The following FHIT variants were observed in gnomAD, a reference collection of about 807,000 sequenced individuals.
FHIT encodes the protein fragile histidine triad diadenosine triphosphatase.
FHIT carries 19 observed loss-of-function variants against 17.9 expected under a neutral mutation model. The ratio of observed to expected loss-of-function variants is 1.06; its 90% CI spans 0.74 to 1.56. FHIT has a LOEUF of 1.56. Ranked by LOEUF, FHIT falls within the 40% of genes most tolerant of loss-of-function variation. The pLI, the probability that FHIT is intolerant of heterozygous loss-of-function variation, is 0.00. For missense variants in FHIT, 248 were observed against 189.2 expected, an observed-to-expected ratio of 1.31 and a Z score of -1.82; for synonymous variants, 81 against 69.7, an observed-to-expected ratio of 1.16 and a Z score of -0.81.
chr3:60,783,152 A>AT (rs35699949), intron 4 of FHIT, among the ~76,000 whole-genome samples: 381 of 149,246 alleles, frequency 2.6e-3, no homozygotes, highest in South Asian at 8.4e-3. Context: ...TAATTTTTGC[A>AT]TTTTTTTTTT....
intron 1 of FHIT, among the ~76,000 whole-genome samples, chr3:61,214,810 T>C (rs1168149124): frequency 6.6e-6 from 1 of 152,208 alleles, no homozygotes; most frequent in Non-Finnish European, 1.5e-5. Flanking sequence ...TTATCCACCA[T>C]GATCAAGTGG....
intron 3 of FHIT, among the ~76,000 whole-genome samples, chr3:60,833,402 T>C (rs1553743107): frequency 6.6e-6 from 1 of 152,218 alleles, no homozygotes; most frequent in East Asian, 1.9e-4. Flanking sequence ...CCCACTTTCA[T>C]ACATTTACAG....
chr3:61,091,937 A>G (rs1438954839), intron 2 of FHIT, among the ~76,000 whole-genome samples: 1 of 62,086 alleles, frequency 1.6e-5, no homozygotes, highest in Non-Finnish European at 2.7e-5. Context: ...GACCTTGTCT[A>G]AAAAAAAAAA....
At chr3:60,215,453 C>T (rs1703655855) in intron 5 of FHIT, among the ~76,000 whole-genome samples, 1 of 152,056 alleles carries the variant, frequency 6.6e-6, no homozygotes, top group Non-Finnish European at 1.5e-5. Context: ...ATCCCAGCTA[C>T]TAGGGAGGCT....
intron 5 of FHIT, among the ~76,000 whole-genome samples, chr3:60,117,617 C>T (rs910678178): frequency 2.6e-5 from 4 of 151,206 alleles, no homozygotes; most frequent in Admixed American, 6.6e-5. Flanking sequence ...ATGGTTAAGT[C>T]GTGCCTTTTT....
chr3:60,957,122 T>C (rs1474665668), intron 3 of FHIT, among the ~76,000 whole-genome samples: 1 of 151,934 alleles, frequency 6.6e-6, no homozygotes, highest in Non-Finnish European at 1.5e-5. Context: ...GAGATAATCA[T>C]CATGTAGCTT....
intron 4 of FHIT, among the ~76,000 whole-genome samples, chr3:60,600,429 TC>T (rs2038406636): frequency 6.6e-6 from 1 of 151,990 alleles, no homozygotes; most frequent in South Asian, 2.1e-4. Context: ...AGAATCACAC[TC>T]CCCACCTCCA....
chr3:59,963,328 T>C (rs370567035), intron 7 of FHIT, among the ~76,000 whole-genome samples: 82 of 152,174 alleles, frequency 5.4e-4, no homozygotes, highest in Non-Finnish European at 1.1e-3. Context: ...TCTTAAATAT[T>C]TTCTGGTTTT....
At position 60,943,229 on chromosome 3, in the gene FHIT, T is replaced by C. The variant is rs148802700; in HGVS notation, c.-111+98818A>G. Among the ~76,000 whole-genome samples, 327 of 152,270 alleles carry C rather than the reference T, an allele frequency of 2.1e-3. 2 individuals carry two copies. In the Middle Eastern group the frequency reaches 0.024, roughly 11 times the overall value. On this transcript the variant is annotated intron_variant, in intron 3 of 9. Coordinates refer to ENST00000492590, the MANE Select transcript of FHIT (RefSeq NM_002012.4). The stretch of plus-strand genomic sequence containing the variant: ...TTAAAACTCTCAGATTATGATTATA[T>C]GGGTTTTCAATACTTCTTGGTGACT...
intron 3 of FHIT, among the ~76,000 whole-genome samples, chr3:60,930,159 C>T (rs564275189): frequency 1.3e-5 from 2 of 151,880 alleles, no homozygotes; most frequent in Middle Eastern, 3.4e-3. Context: ...ACCTGGCTAG[C>T]CATATGTAGA....
chr3:61,135,424 T>A (rs2036886613), intron 2 of FHIT, among the ~76,000 whole-genome samples: 1 of 152,224 alleles, frequency 6.6e-6, no homozygotes, highest in South Asian at 2.1e-4. Context: ...AAATAAATCA[T>A]CCCTGCAACT....
At chr3:60,433,978 T>C (rs933328973) in intron 5 of FHIT, among the ~76,000 whole-genome samples, 1 of 152,090 alleles carries the variant, frequency 6.6e-6, no homozygotes, top group Non-Finnish European at 1.5e-5. Flanking sequence ...ATCCAAGAAA[T>C]TATTGCCTAG....
chr3:60,792,939 T>G (rs1261501139), intron 4 of FHIT, among the ~76,000 whole-genome samples: 2 of 152,020 alleles, frequency 1.3e-5, no homozygotes, highest in Non-Finnish European at 2.9e-5. Flanking sequence ...AGCCGAATAA[T>G]GGTCTTCAAG....
At chr3:61,145,973 C>G (rs2037215782) in intron 2 of FHIT, among the ~76,000 whole-genome samples, 1 of 151,968 alleles carries the variant, frequency 6.6e-6, no homozygotes, top group Non-Finnish European at 1.5e-5. Flanking sequence ...TACTTATAAA[C>G]ATCAGTGTAT....
intron 1 of FHIT, among the ~76,000 whole-genome samples, chr3:61,202,327 G>T (rs547157628): frequency 6.7e-6 from 1 of 149,974 alleles, no homozygotes; most frequent in Non-Finnish European, 1.5e-5. Context: ...GCCTCTGCTC[G>T]GCAGCCGCCC....
intron 5 of FHIT, among the ~76,000 whole-genome samples, chr3:60,405,857 A>G (rs1433101374): frequency 1.3e-5 from 2 of 152,202 alleles, no homozygotes; most frequent in African/African-American, 2.4e-5. Context: ...CCTCAGCTAG[A>G]CAACTCTTTG....
At chr3:60,515,964 G>A (rs536947886) in intron 5 of FHIT, among the ~76,000 whole-genome samples, 1 of 152,100 alleles carries the variant, frequency 6.6e-6, no homozygotes, top group Admixed American at 6.6e-5. Flanking sequence ...AATCACCTTT[G>A]CCTTCAGGAA....
chr3:59,754,559 G>A (rs770074029), intron 8 of FHIT, among the ~76,000 whole-genome samples: 105 of 152,208 alleles, frequency 6.9e-4, no homozygotes, highest in Middle Eastern at 3.4e-3. Flanking sequence ...AGGAAATATG[G>A]CCTTCCCACT....
At chr3:61,246,238 T>G (rs2040484766) in intron 1 of FHIT, among the ~76,000 whole-genome samples, 1 of 152,214 alleles carries the variant, frequency 6.6e-6, no homozygotes, top group South Asian at 2.1e-4. Flanking sequence ...CTGCTCCGTC[T>G]ATGGAGTAGC....
Sources: allele counts gnomAD v4.1 joint callset (sites outside exome capture counted in the v4.1 genomes callset), GRCh38; gene constraint gnomAD v4.1.1; transcripts MANE v1.5; gene names NCBI Gene and HGNC (gene_info 2026-07-23, HGNC 2026-07-21).